The following MX1 variants were observed in gnomAD, a reference collection of about 807,000 sequenced individuals.
The protein encoded by MX1 is interferon-induced GTP-binding protein Mx1.
Under a neutral mutation model 66.4 loss-of-function variants are expected in MX1, and 66 were observed. The ratio of observed to expected loss-of-function variants is 0.99; its 90% CI spans 0.82 to 1.22. MX1 has a LOEUF of 1.22. Among genes scored for constraint, MX1 ranks in the 50% most tolerant of loss-of-function variants. MX1 has a pLI of 0.00. For missense variants in MX1, 787 were observed against 834.3 expected, an observed-to-expected ratio of 0.94 and a Z score of 0.70; for synonymous variants, 311 against 318.1, an observed-to-expected ratio of 0.98 and a Z score of 0.24.
intron 3 of MX1, 63 bp from the exon 4 acceptor site, chr21:41,430,470 G>T (rs2090182689): frequency 6.6e-6 from 1 of 152,044 alleles, no homozygotes; most frequent in Admixed American, 6.5e-5. Context: ...GGACTGGGTG[G>T]GTGGGTACTC....
intron 14 of MX1, 191 bp downstream of exon 14, chr21:41,449,486 G>T (rs1199308987): frequency 1.9e-6 from 1 of 540,194 alleles, no homozygotes; most frequent in African/African-American, 2.0e-5. Flanking sequence ...CCCTCAGTCA[G>T]TGTGGACCCC....
At chr21:41,457,425 A>C (rs1175050663) in intron 16 of MX1, among the ~76,000 whole-genome samples, 1 of 152,204 alleles carries the variant, frequency 6.6e-6, no homozygotes, top group African/African-American at 2.4e-5. Context: ...TATTTTCTTT[A>C]AGTAATTTCT....
chr21:41,455,552 G>A (rs766216227), intron 16 of MX1, among the ~76,000 whole-genome samples: 1 of 152,226 alleles, frequency 6.6e-6, no homozygotes, highest in Non-Finnish European at 1.5e-5. Context: ...CCTTCTCCGG[G>A]TTCATTTCTG....
rs1442959508 is a variant in MX1, at chr21:41,443,776, G to A, written c.930-12G>A. On this transcript the variant is annotated splice_polypyrimidine_tract_variant and intron_variant, in intron 10 of 16. Coordinates refer to ENST00000398598, the MANE Select transcript of MX1 (RefSeq NM_002462.5). ...ACATCAAGGTGGAAATCGGTCCTGT[G>A]TTCTCTTCTAGGGATCTGCTGGAGG... is the stretch of plus-strand genomic sequence containing the variant. The A allele has an allele frequency of 6.2e-7, 1 of 1,614,112 alleles. No homozygotes were observed. The highest frequency in any genetic ancestry group is 8.5e-7 in the Non-Finnish European group (1 of 1,179,936).
intron 11 of MX1, among the ~76,000 whole-genome samples, chr21:41,444,191 T>C (rs1274429815): frequency 6.6e-6 from 1 of 152,200 alleles, no homozygotes; most frequent in Non-Finnish European, 1.5e-5. Context: ...TATAATGTCT[T>C]AGTCATTCTA....
intron 5 of MX1, among the ~76,000 whole-genome samples, chr21:41,433,203 CA>C (rs2090270258): frequency 1.3e-5 from 2 of 152,230 alleles, no homozygotes. Flanking sequence ...GACTGAAATG[CA>C]AATGACCAGC....
At chr21:41,431,965 C>A in intron 4 of MX1, 85 bp from the exon 5 acceptor site, 2 of 1,033,028 alleles carry the variant, frequency 1.9e-6, no homozygotes, top group Non-Finnish European at 2.9e-6. Context: ...CCTCCAGGGG[C>A]CTTCCGTTCT....
intron 16 of MX1, among the ~76,000 whole-genome samples, chr21:41,454,830 C>G (rs1394263753): frequency 6.6e-6 from 1 of 152,160 alleles, no homozygotes; most frequent in African/African-American, 2.4e-5. Flanking sequence ...AAACTCCACC[C>G]AGCACAGAGG....
intron 10 of MX1, chr21:41,442,804 C>T (rs1335680913): frequency 6.6e-6 from 1 of 152,220 alleles, no homozygotes; most frequent in Non-Finnish European, 1.5e-5. Context: ...CTGACACATG[C>T]TACAACATGG....
upstream of MX1, among the ~76,000 whole-genome samples, chr21:41,423,987 C>T (rs967999575): frequency 1.3e-5 from 2 of 152,168 alleles, no homozygotes; most frequent in Non-Finnish European, 2.9e-5. Context: ...GCCTGCAGCT[C>T]TTTCTGATTT....
chr21:41,425,331 A>T, upstream of MX1, among the ~76,000 whole-genome samples: 1 of 152,230 alleles, frequency 6.6e-6, no homozygotes, highest in Non-Finnish European at 1.5e-5. Flanking sequence ...GGCAGGGGTG[A>T]ATCTCACAAA....
At chr21:41,424,787 T>C (rs1245304154), upstream of MX1, among the ~76,000 whole-genome samples, 45 of 152,188 alleles carry the variant, frequency 3.0e-4, no homozygotes, top group Admixed American at 2.9e-3. Flanking sequence ...AACAGAACTT[T>C]TAATTCGGGC....
Position 41,432,136 on chromosome 21 carries a change from G to T in MX1, c.66G>T (p.Leu22=). Residue 22 remains leucine (L), a synonymous_variant, in exon 5 of 17, where the codon CTG becomes CTT. Coordinates refer to ENST00000398598, the MANE Select transcript of MX1 (RefSeq NM_002462.5). The part of the protein sequence containing the change: ...DPAAASHPLL[L]NGDATVAQKN... ...CTGCTGCATCCCACCCTCTATTACT[G>T]AATGGAGATGCTACTGTGGCCCAGA... The T allele has an allele frequency of 6.2e-7, 1 of 1,614,128 alleles. No homozygotes were observed.
intron 8 of MX1, 21 bp downstream of exon 8, chr21:41,439,869 T>G: frequency 6.3e-7 from 1 of 1,598,830 alleles, no homozygotes; most frequent in South Asian, 1.1e-5. Flanking sequence ...AGACCCATTC[T>G]GACCTTGGCC....
chr21:41,458,234 T>G (rs1005467119), intron 16 of MX1, among the ~76,000 whole-genome samples: 1 of 152,228 alleles, frequency 6.6e-6, no homozygotes, highest in Non-Finnish European at 1.5e-5. Context: ...ACTGTCTGCC[T>G]GCTTACCTTT....
Position 41,441,186 on chromosome 21 carries a change from G to A in MX1, c.730+161G>A, listed in dbSNP as rs2090502016. The A allele has an allele frequency of 3.0e-6, 3 of 984,336 alleles. No individual in the cohort carries two copies. The highest frequency in any genetic ancestry group is 1.7e-5 in the South Asian group (1 of 59,074). The allele number at this position is 984,336 out of a possible 1,614,324, so 61.0% of individuals were successfully genotyped here. A position where few individuals can be genotyped will look rare whatever the true frequency, so the allele number is the denominator to read the frequency against. ...CCTGTGCTCGGTGGTCTGCCAGTGG[G>A]CAAGCGTCCCTCCAGTCTCCATGGG... On this transcript the variant is annotated intron_variant, in intron 9 of 16. Transcript: ENST00000398598. This position sits in a 1 kb window ranked among gnomAD's most constrained non-coding sequence, Gnocchi z 4.0.
Position 41,459,181 on chromosome 21 carries a change from CCT to C in MX1, c.*430_*431del, listed in dbSNP as rs1476386233. 2.0e-5 allele frequency: 4 copies of C among 196,658 alleles called. No homozygotes were observed. The Admixed American group carries it at 2.2e-4, about 11-fold the overall frequency. 12.2% of individuals were successfully genotyped at this position (196,658 alleles called of 1,614,324 possible). On this transcript the variant is annotated 3_prime_UTR_variant, in exon 17 of 17. Transcript: ENST00000398598. ...TGTGCGTCCTGTCGGAGCCCTGTCT[CCT>C]CTCTCTGTAATAAACTCATTTCTAG...
intron 13 of MX1, among the ~76,000 whole-genome samples, chr21:41,448,293 T>C (rs1281758512): frequency 6.6e-6 from 1 of 152,240 alleles, no homozygotes; most frequent in African/African-American, 2.4e-5. Flanking sequence ...TACAAGTTGA[T>C]GTGCCTGGTT....
At chr21:41,447,084 C>G (rs1394153720) in intron 13 of MX1, among the ~76,000 whole-genome samples, 3 of 152,156 alleles carry the variant, frequency 2.0e-5, no homozygotes, top group Non-Finnish European at 2.9e-5. Flanking sequence ...CTTGGGGGGG[C>G]TTAAACAGTA....
Sources: gnomAD v4.1 joint callset for allele counts (sites outside exome capture counted in the v4.1 genomes callset) on GRCh38, gnomAD v4.1.1 for gene constraint, Gnocchi (gnomAD v3.1) non-coding constraint, MANE v1.5 for transcripts, NCBI Gene and HGNC (gene_info 2026-07-23, HGNC 2026-07-21) for gene names.